PID1: variants seen among roughly 807,000 people sequenced by gnomAD.
PID1 encodes PTB-containing, cubilin and LRP1-interacting protein.
A neutral mutation model predicts 19.1 loss-of-function variants in PID1; 10 were observed. That is an observed-to-expected ratio of 0.52 (90% CI 0.32 to 0.89). The LOEUF is 0.89. Among genes scored for constraint, PID1 ranks in the 40% least tolerant of loss-of-function variants. The pLI, the probability that PID1 is intolerant of heterozygous loss-of-function variation, is 0.03. For synonymous variants in PID1, 130 were observed against 116.0 expected (o/e 1.12, Z -0.78); for missense variants, 248 against 285.3 (o/e 0.87, Z 0.94).
chr2:229,223,966 C>T (rs1229395110), intron 1 of PID1, among the ~76,000 whole-genome samples: 1 of 152,144 alleles, frequency 6.6e-6, no homozygotes, highest in Non-Finnish European at 1.5e-5. Flanking sequence ...CCAGTCTCTA[C>T]TGTTTCCACC....
At chr2:229,123,442 TC>T (rs1314536230) in intron 2 of PID1, among the ~76,000 whole-genome samples, 1 of 152,232 alleles carries the variant, frequency 6.6e-6, no homozygotes, top group Admixed American at 6.5e-5. Context: ...ATATTTGAGT[TC>T]TTTGTACTTT....
At chr2:229,077,568 G>A (rs1318452987) in intron 2 of PID1, among the ~76,000 whole-genome samples, 2 of 152,190 alleles carry the variant, frequency 1.3e-5, no homozygotes, top group Non-Finnish European at 2.9e-5. Flanking sequence ...TGTATAAGGT[G>A]TAAGGAAGGG....
At chr2:229,230,300 AG>A (rs1692176814) in intron 1 of PID1, among the ~76,000 whole-genome samples, 1 of 139,020 alleles carries the variant, frequency 7.2e-6, no homozygotes, top group Non-Finnish European at 1.6e-5. Context: ...GAAACGAGAG[AG>A]AAAGAAAGAG....
intron 2 of PID1, among the ~76,000 whole-genome samples, chr2:229,050,228 C>G (rs1693966598): frequency 6.6e-6 from 1 of 152,120 alleles, no homozygotes; most frequent in Non-Finnish European, 1.5e-5. Flanking sequence ...GTACAATCCC[C>G]CATTAGAGCG....
intron 2 of PID1, among the ~76,000 whole-genome samples, chr2:229,026,595 T>G (rs1175871814): frequency 6.6e-6 from 1 of 152,248 alleles, no homozygotes; most frequent in Non-Finnish European, 1.5e-5. Flanking sequence ...TTGATTTCAC[T>G]TAGGCTGCCT....
chr2:229,130,468 A>G (rs890146778), intron 2 of PID1, among the ~76,000 whole-genome samples: 21 of 152,248 alleles, frequency 1.4e-4, no homozygotes, highest in Admixed American at 2.6e-4. Context: ...ATTTTTTAAA[A>G]CTACCACATG....
intron 2 of PID1, among the ~76,000 whole-genome samples, chr2:229,097,376 C>A (rs974954657): frequency 6.6e-6 from 1 of 152,116 alleles, no homozygotes; most frequent in Non-Finnish European, 1.5e-5. Context: ...GACTAAAAAC[C>A]TAAGCACAAC....
intron 1 of PID1, among the ~76,000 whole-genome samples, chr2:229,167,132 T>C (rs771475256): frequency 2.0e-4 from 31 of 151,988 alleles, no homozygotes; most frequent in Non-Finnish European, 3.8e-4. Context: ...TTTATAAATA[T>C]AGAAGAAATT....
At chr2:229,071,543 C>T (rs1030678357) in intron 2 of PID1, among the ~76,000 whole-genome samples, 1 of 152,154 alleles carries the variant, frequency 6.6e-6, no homozygotes, top group African/African-American at 2.4e-5. Flanking sequence ...CAGATGGCGC[C>T]CAGCTGGCCA....
intron 2 of PID1, among the ~76,000 whole-genome samples, chr2:229,125,466 T>G (rs1695604582): frequency 6.6e-6 from 1 of 151,770 alleles, no homozygotes; most frequent in African/African-American, 2.4e-5. Context: ...ACTTAAAAGT[T>G]CTTCTCTATT....
intron 1 of PID1, among the ~76,000 whole-genome samples, chr2:229,187,648 C>A (rs896539870): frequency 6.6e-6 from 1 of 152,174 alleles, no homozygotes; most frequent in Admixed American, 6.5e-5. Context: ...GGGACACGGC[C>A]AAACCATATC....
At chr2:229,200,241 T>C (rs1163964908) in intron 1 of PID1, among the ~76,000 whole-genome samples, 2 of 152,026 alleles carry the variant, frequency 1.3e-5, no homozygotes, top group African/African-American at 4.8e-5. Flanking sequence ...AATACTAGAA[T>C]TCCTTCTCAG....
intron 1 of PID1, among the ~76,000 whole-genome samples, chr2:229,258,264 C>CT (rs1210856965): frequency 2.6e-5 from 4 of 152,230 alleles, no homozygotes; most frequent in African/African-American, 9.6e-5. Context: ...ACTTTCCACC[C>CT]TTTGGTCTGG....
At chr2:229,148,339 T>A (rs7575420) in intron 2 of PID1, among the ~76,000 whole-genome samples, 22,218 of 152,098 alleles carry the variant, frequency 0.15, 2,004 homozygotes, top group East Asian at 0.28. Flanking sequence ...AAGGAGTGTG[T>A]ATTTGAACAT....
At chr2:229,263,858 G>T (rs1690523175) in intron 1 of PID1, among the ~76,000 whole-genome samples, 1 of 152,192 alleles carries the variant, frequency 6.6e-6, no homozygotes, top group Admixed American at 6.5e-5. Flanking sequence ...GCCAAAGGCT[G>T]TTGGGAGGAC....
chr2:229,044,577 G>C (rs1482066901), intron 2 of PID1, among the ~76,000 whole-genome samples: 1 of 152,160 alleles, frequency 6.6e-6, no homozygotes, highest in African/African-American at 2.4e-5. Context: ...ATCTAAGTTG[G>C]AAAGTCAAAC....
intron 1 of PID1, among the ~76,000 whole-genome samples, chr2:229,246,226 G>A (rs1689998662): frequency 6.6e-6 from 1 of 152,132 alleles, no homozygotes; most frequent in South Asian, 2.1e-4. Context: ...AGCCAATACA[G>A]CCAGCCTACC....
intron 1 of PID1, among the ~76,000 whole-genome samples, chr2:229,239,982 C>T (rs1166063056): frequency 2.6e-5 from 4 of 152,084 alleles, no homozygotes; most frequent in Admixed American, 6.5e-5. Flanking sequence ...CTATTTTCAT[C>T]TATATCTAAA....
At position 229,087,411 on chromosome 2, in the gene PID1, G is replaced by A. The variant is rs868280462; in HGVS notation, c.178-61303C>T. Among the ~76,000 whole-genome samples the A allele has an allele frequency of 2.6e-5, 4 of 152,258 alleles. No homozygotes were observed. In the Middle Eastern group the frequency reaches 0.014, roughly 518 times the overall value. On this transcript the variant is annotated intron_variant, in intron 2 of 2. Transcript: ENST00000392055. ...CACCAATCTATGCTGTTAGAAACCA[G>A]GACAGTGCCTACCCTTGGGAGATAG...
Sources: allele counts gnomAD v4.1 joint callset (sites outside exome capture counted in the v4.1 genomes callset), GRCh38; gene constraint gnomAD v4.1.1; transcripts MANE v1.5; gene names NCBI Gene and HGNC (gene_info 2026-07-23, HGNC 2026-07-21).